Variants in COL21A1 observed in about 807,000 individuals in gnomAD.
The protein encoded by COL21A1 is collagen alpha-1(XXI) chain.
COL21A1 carries 149 observed loss-of-function variants against 137.9 expected under a neutral mutation model. The ratio of observed to expected loss-of-function variants is 1.08; its 90% confidence interval spans 0.95 to 1.24. The LOEUF is 1.24. COL21A1 is among the 50% of genes most tolerant of loss of function. The pLI, the probability that COL21A1 is intolerant of heterozygous loss-of-function variation, is 0.00. For synonymous variants in COL21A1, 456 were observed against 391.5 expected (o/e 1.16, Z -1.95); for missense variants, 1,167 against 1,158.4 (o/e 1.01, Z -0.11).
At chr6:56,254,602 A>G (rs1300666409) in intron 1 of COL21A1, among the ~76,000 whole-genome samples, 2 of 152,234 alleles carry the variant, frequency 1.3e-5, no homozygotes, top group Non-Finnish European at 2.9e-5. Flanking sequence ...ATAATTGTTT[A>G]TAAAGCTCCC....
At position 56,059,259 on chromosome 6, in the gene COL21A1, A is replaced by G. The variant is rs1196140122; in HGVS notation, c.2609-17T>C. On this transcript the variant is annotated splice_polypyrimidine_tract_variant and intron_variant, in intron 28 of 29. Transcript: ENST00000244728. ...CTGGTAGGCCTGCAGGGTGTCAAAC[A>G]TCTGAGTAAGTTTACTTAAAATCAC... 6.4e-7 allele frequency: 1 copy of G among 1,564,052 alleles called. No homozygotes were observed. The highest frequency in any genetic ancestry group is 1.2e-5 in the South Asian group (1 of 84,608).
At chr6:56,204,335 C>T (rs1779612580) in intron 1 of COL21A1, among the ~76,000 whole-genome samples, 1 of 152,116 alleles carries the variant, frequency 6.6e-6, no homozygotes, top group Non-Finnish European at 1.5e-5. Flanking sequence ...GTTTAACCCT[C>T]ACAGTGTAAA....
At chr6:56,121,470 GTA>G (rs138715564) in intron 16 of COL21A1, among the ~76,000 whole-genome samples, 1 of 126,508 alleles carries the variant, frequency 7.9e-6, no homozygotes, top group African/African-American at 2.9e-5. Flanking sequence ...TTTGTCATAT[GTA>G]TATATATATA....
rs1307058258 is a variant in COL21A1, at chr6:56,098,678, AATATATATAAATATATAAAT to A, written c.1812+2774_1812+2793del. Reference sequence around the variant, plus strand: ...ATAAATATATATAAATATATATATAAATATATATAAATATATAAATATATATATAAATATATATAAATATA... The same window carrying A: ...ATAAATATATATAAATATATATATAAATATATATAAATATATATAAATATA... On this transcript the variant is annotated intron_variant, in intron 17 of 29. Coordinates refer to ENST00000244728, the MANE Select transcript of COL21A1 (RefSeq NM_030820.4). Among the ~76,000 whole-genome samples the A allele has an allele frequency of 1.1e-3, 58 of 52,048 alleles. 7 individuals carry two copies. Among genetic ancestry groups the A allele is most frequent in the South Asian group, 5.3e-3 (11 of 2,068 alleles). The allele number at this position is 52,048 out of a possible 152,430, so 34.1% of individuals were successfully genotyped here. A position where few individuals can be genotyped will look rare whatever the true frequency, so the allele number is the denominator to read the frequency against.
At chr6:56,384,060 C>T (rs561286022) in intron 1 of COL21A1, among the ~76,000 whole-genome samples, 4 of 152,254 alleles carry the variant, frequency 2.6e-5, no homozygotes, top group African/African-American at 9.6e-5. Flanking sequence ...GCATCCATCC[C>T]TCCAAAGCCC....
chr6:56,249,799 G>A (rs1193061005), upstream of COL21A1, among the ~76,000 whole-genome samples: 1 of 152,166 alleles, frequency 6.6e-6, no homozygotes, highest in Non-Finnish European at 1.5e-5. Flanking sequence ...AGTTCGTGCT[G>A]ATAGTGACGA....
In COL21A1 at chr6:56,170,633, T is replaced by G; in HGVS notation, c.1026+16A>C. ...CATGAATATCATAATCATGGTATTA[T>G]CCCAGGCATCTTTACCTTAACTTGA... On this transcript the variant is annotated intron_variant, in intron 5 of 29. Coordinates refer to ENST00000244728, the MANE Select transcript of COL21A1 (RefSeq NM_030820.4). 1 of 1,539,874 alleles carries G rather than the reference T, an allele frequency of 6.5e-7. No individual in the cohort carries two copies. Among genetic ancestry groups the G allele is most frequent in the South Asian group, 1.2e-5 (1 of 85,502 alleles).
Position 56,170,715 on chromosome 6 carries a change from T to G in COL21A1, c.960A>C (p.Leu320Phe), listed in dbSNP as rs1776967641. 6.2e-7 allele frequency: 1 copy of G among 1,607,012 alleles called. No individual in the cohort carries two copies. The highest frequency in any genetic ancestry group is 8.5e-7 in the Non-Finnish European group (1 of 1,175,806). The stretch of plus-strand genomic sequence containing the variant: ...TAATTACGCTGGTTGTTGTAAATAA[T>G]AAGATTTTGTCCACACCATTTAAGG... ...AVTLNGVDKI[L>F]LFTTTSVING... is the part of the protein sequence containing the mutation. The change falls in exon 5 of 30, where the codon TTA (leucine) becomes TTC (phenylalanine). Residue 320 changes from leucine (L) to phenylalanine (F), a missense_variant. Leu to Phe is a conservative substitution (Grantham distance 22). Coordinates refer to ENST00000244728, the MANE Select transcript of COL21A1 (RefSeq NM_030820.4).
intron 1 of COL21A1, among the ~76,000 whole-genome samples, chr6:56,329,284 C>T (rs1033751673): frequency 1.3e-5 from 2 of 152,028 alleles, no homozygotes; most frequent in African/African-American, 2.4e-5. Context: ...GATGCACACA[C>T]ACTTAATAAT....
chr6:56,274,990 A>G (rs1207815378), intron 1 of COL21A1, among the ~76,000 whole-genome samples: 1 of 152,212 alleles, frequency 6.6e-6, no homozygotes, highest in Non-Finnish European at 1.5e-5. Flanking sequence ...TAACCAAAAC[A>G]GTATGGTACT....
intron 10 of COL21A1, among the ~76,000 whole-genome samples, chr6:56,142,829 T>C (rs189518075): frequency 9.5e-4 from 144 of 152,304 alleles, no homozygotes; most frequent in African/African-American, 3.4e-3. Flanking sequence ...ATCTTACTGT[T>C]TGGGTACCAG....
chr6:56,366,167 G>A (rs1461546078), intron 1 of COL21A1, among the ~76,000 whole-genome samples: 1 of 152,080 alleles, frequency 6.6e-6, no homozygotes, highest in Non-Finnish European at 1.5e-5. Flanking sequence ...AAAGGATGTA[G>A]ACACTGAAGC....
intron 1 of COL21A1, among the ~76,000 whole-genome samples, chr6:56,291,008 C>T (rs934491434): frequency 1.3e-5 from 2 of 152,018 alleles, no homozygotes; most frequent in East Asian, 1.9e-4. Context: ...CATGGACCAG[C>T]GACTGGGCAT....
At chr6:56,362,849 C>T (rs939319197) in intron 1 of COL21A1, among the ~76,000 whole-genome samples, 3 of 152,134 alleles carry the variant, frequency 2.0e-5, no homozygotes, top group Non-Finnish European at 4.4e-5. Flanking sequence ...GGTCCCGGGC[C>T]GGTGCGTATT....
At chr6:56,315,591 G>GTTC (rs1764712388) in intron 1 of COL21A1, among the ~76,000 whole-genome samples, 1 of 149,660 alleles carries the variant, frequency 6.7e-6, no homozygotes. Flanking sequence ...CCTAGAGGCT[G>GTTC]TTCTTAGCTT....
intron 1 of COL21A1, among the ~76,000 whole-genome samples, chr6:56,277,885 A>G (rs1763704844): frequency 6.6e-6 from 1 of 152,258 alleles, no homozygotes; most frequent in Non-Finnish European, 1.5e-5. Context: ...CAGTATTTGT[A>G]CTAATTACAC....
intron 5 of COL21A1, among the ~76,000 whole-genome samples, 166 bp from the exon 6 acceptor site, chr6:56,168,463 A>C (rs1776771105): frequency 6.6e-6 from 1 of 152,090 alleles, no homozygotes; most frequent in African/African-American, 2.4e-5. Flanking sequence ...CTCATATGCT[A>C]TCCACCAATT....
chr6:56,106,841 C>A (rs940086455), intron 16 of COL21A1, among the ~76,000 whole-genome samples: 31 of 151,980 alleles, frequency 2.0e-4, no homozygotes, highest in African/African-American at 5.1e-4. Context: ...GGCTGGAGTG[C>A]AGTGGCGCCA....
chr6:56,059,381 G>T lies in COL21A1; in HGVS notation c.2609-139C>A, dbSNP rs928252097. The T allele has an allele frequency of 7.4e-6, 4 of 540,292 alleles. No individual in the cohort carries two copies. The East Asian group carries it at 1.0e-4, about 14-fold the overall frequency. 33.5% of individuals were successfully genotyped at this position (540,292 alleles called of 1,614,324 possible). A position where few individuals can be genotyped will look rare whatever the true frequency, so the allele number is the denominator to read the frequency against. ...TGCCATCTATTTTTTCTTACTAATGGAAAACAAGTTTTGAAGCAATAATTT... is the reference window on the plus strand; with the variant it reads ...TGCCATCTATTTTTTCTTACTAATGTAAAACAAGTTTTGAAGCAATAATTT... On this transcript the variant is annotated intron_variant, in intron 28 of 29. Transcript: ENST00000244728.
Sources: allele counts gnomAD v4.1 joint callset (sites outside exome capture counted in the v4.1 genomes callset), GRCh38; gene constraint gnomAD v4.1.1; transcripts MANE v1.5; gene names NCBI Gene and HGNC (gene_info 2026-07-23, HGNC 2026-07-21).